UNC5D: variants seen among roughly 807,000 people sequenced by gnomAD.
The protein encoded by UNC5D is unc-5 netrin receptor D.
In UNC5D, 39 loss-of-function variants were observed where a neutral mutation model predicts 105.4. That is an observed-to-expected ratio of 0.37 (90% CI 0.29 to 0.48). UNC5D has a LOEUF of 0.48. UNC5D is among the 20% of genes least tolerant of loss of function. The probability of loss-of-function intolerance (pLI) is 0.98; values close to 1 mark genes in which losing one functional copy is unlikely to be tolerated. For synonymous variants in UNC5D, 452 were observed against 450.4 expected (o/e 1.00, Z -0.04); for missense variants, 991 against 1,202.4 (o/e 0.82, Z 2.60).
intron 1 of UNC5D, among the ~76,000 whole-genome samples, chr8:35,397,907 C>G (rs576200897): frequency 6.6e-6 from 1 of 152,234 alleles, no homozygotes; most frequent in South Asian, 2.1e-4. Context: ...GATCAAAGCC[C>G]AGCGTCCAGA....
intron 1 of UNC5D, among the ~76,000 whole-genome samples, chr8:35,281,512 T>C (rs1328240006): frequency 6.6e-6 from 1 of 151,934 alleles, no homozygotes; most frequent in Non-Finnish European, 1.5e-5. Flanking sequence ...CTGTCTTGGC[T>C]CACTGCAACC....
intron 2 of UNC5D, among the ~76,000 whole-genome samples, chr8:35,566,337 T>C (rs903659378): frequency 1.1e-4 from 17 of 152,190 alleles, no homozygotes; most frequent in Admixed American, 9.2e-4. Flanking sequence ...TCTTGTTTTT[T>C]AAATCCTGAA....
chr8:35,283,938 C>A (rs1342034751), intron 1 of UNC5D, among the ~76,000 whole-genome samples: 1 of 152,156 alleles, frequency 6.6e-6, no homozygotes, highest in African/African-American at 2.4e-5. Flanking sequence ...CTATTTATAT[C>A]TAGATTCATT....
intron 1 of UNC5D, among the ~76,000 whole-genome samples, chr8:35,292,824 C>A (rs901710250): frequency 6.9e-6 from 1 of 145,088 alleles, no homozygotes; most frequent in Non-Finnish European, 1.5e-5. Context: ...TCAAGCAATT[C>A]TCCTGCCTCA....
chr8:35,655,726 T>C (rs1458806951), intron 4 of UNC5D, among the ~76,000 whole-genome samples: 2 of 152,142 alleles, frequency 1.3e-5, no homozygotes, highest in Admixed American at 1.3e-4. Flanking sequence ...AATGGTAGAA[T>C]AGCCAGATGG....
intron 16 of UNC5D, among the ~76,000 whole-genome samples, chr8:35,776,812 A>G (rs910024785): frequency 1.3e-5 from 2 of 152,214 alleles, no homozygotes; most frequent in Non-Finnish European, 2.9e-5. Flanking sequence ...TATGGAATCT[A>G]CTTCTATCCT....
chr8:35,557,337 G>A (rs952613787), intron 2 of UNC5D, among the ~76,000 whole-genome samples: 1 of 152,152 alleles, frequency 6.6e-6, no homozygotes, highest in Non-Finnish European at 1.5e-5. Flanking sequence ...TACGTGGAGT[G>A]CTTATTATCC....
intron 16 of UNC5D, among the ~76,000 whole-genome samples, chr8:35,774,877 A>T (rs1457304550): frequency 6.8e-6 from 1 of 147,260 alleles, no homozygotes; most frequent in Admixed American, 6.7e-5. Context: ...CAGTGAGCCA[A>T]GATTGCACCA....
At chr8:35,506,524 C>A (rs1298724604) in intron 1 of UNC5D, among the ~76,000 whole-genome samples, 2 of 152,206 alleles carry the variant, frequency 1.3e-5, no homozygotes, top group Non-Finnish European at 2.9e-5. Context: ...CAGGTATAAT[C>A]ATTCAGTGTC....
chr8:35,612,361 A>G (rs1184102860), intron 4 of UNC5D, among the ~76,000 whole-genome samples: 1 of 152,176 alleles, frequency 6.6e-6, no homozygotes, highest in Non-Finnish European at 1.5e-5. Context: ...TTTGTATGAT[A>G]AAGTATGCTG....
At chr8:35,345,524 T>C (rs1051370631) in intron 1 of UNC5D, among the ~76,000 whole-genome samples, 2 of 152,168 alleles carry the variant, frequency 1.3e-5, no homozygotes, top group East Asian at 1.9e-4. Flanking sequence ...CTAATTTTCA[T>C]TGTAATTTAA....
At chr8:35,329,522 G>T (rs1488732647) in intron 1 of UNC5D, among the ~76,000 whole-genome samples, 1 of 151,970 alleles carries the variant, frequency 6.6e-6, no homozygotes, top group South Asian at 2.1e-4. Flanking sequence ...ACAAGCACCA[G>T]GAAAATGCCG....
At chr8:35,419,700 A>G (rs549338047) in intron 1 of UNC5D, among the ~76,000 whole-genome samples, 26 of 152,142 alleles carry the variant, frequency 1.7e-4, no homozygotes, top group Non-Finnish European at 3.1e-4. Flanking sequence ...AGGGTGGGGT[A>G]TGTGGTGCCC....
chr8:35,275,385 G>GA (rs913227647), intron 1 of UNC5D, among the ~76,000 whole-genome samples: 1 of 151,664 alleles, frequency 6.6e-6, no homozygotes, highest in Non-Finnish European at 1.5e-5. Context: ...AAAGAGTGTT[G>GA]AAAAAAAATT....
intron 1 of UNC5D, among the ~76,000 whole-genome samples, chr8:35,530,212 T>A (rs1320179232): frequency 6.6e-6 from 1 of 150,870 alleles, no homozygotes; most frequent in East Asian, 2.0e-4. Context: ...TATTTTGAAA[T>A]ATGTCCCATC....
intron 1 of UNC5D, among the ~76,000 whole-genome samples, chr8:35,503,620 T>C (rs1056621681): frequency 3.3e-5 from 5 of 152,194 alleles, no homozygotes; most frequent in Non-Finnish European, 7.3e-5. Context: ...CTCTGTTTTA[T>C]TCACATTCTC....
intron 4 of UNC5D, among the ~76,000 whole-genome samples, chr8:35,671,865 T>C (rs1370969814): frequency 6.6e-6 from 1 of 152,154 alleles, no homozygotes; most frequent in Non-Finnish European, 1.5e-5. Context: ...TGCACTTTGC[T>C]GTTTTAATTT....
At chr8:35,538,612 A>C (rs1815046849) in intron 1 of UNC5D, among the ~76,000 whole-genome samples, 1 of 151,726 alleles carries the variant, frequency 6.6e-6, no homozygotes, top group Non-Finnish European at 1.5e-5. Flanking sequence ...ATGTAGGGGA[A>C]TGATGGTGGT....
chr8:35,743,442 C>A (rs1829859316), intron 11 of UNC5D, among the ~76,000 whole-genome samples: 1 of 151,162 alleles, frequency 6.6e-6, no homozygotes, highest in Non-Finnish European at 1.5e-5. Context: ...ACTAATTTTT[C>A]TATTTTTTTC....
Sources: gnomAD v4.1 joint callset for allele counts (sites outside exome capture counted in the v4.1 genomes callset) on GRCh38, gnomAD v4.1.1 for gene constraint, MANE v1.5 for transcripts, NCBI Gene and HGNC (gene_info 2026-07-23, HGNC 2026-07-21) for gene names.